IRF4: variants seen among roughly 807,000 people sequenced by gnomAD.
IRF4 encodes lymphocyte-specific interferon regulatory factor.
In IRF4, 13 loss-of-function variants were observed where a neutral mutation model predicts 55.5. The observed-to-expected ratio is 0.23, with a 90% confidence interval of 0.15 to 0.37. IRF4 has a LOEUF of 0.37. IRF4 is among the 10% of genes least tolerant of loss of function. IRF4 has a pLI of 1.00. For missense variants in IRF4, 397 were observed against 593.8 expected, an observed-to-expected ratio of 0.67 and a Z score of 3.44; for synonymous variants, 249 against 240.7, an observed-to-expected ratio of 1.03 and a Z score of -0.32.
intron 6 of IRF4, among the ~76,000 whole-genome samples, chr6:400,003 G>A (rs1046461143): frequency 6.6e-6 from 1 of 152,092 alleles, no homozygotes; most frequent in African/African-American, 2.4e-5. Context: ...TTATATCTCG[G>A]CAACCTCGTG....
intron 7 of IRF4, 126 bp from the exon 8 acceptor site, chr6:404,892 C>T (rs189372484): frequency 3.2e-5 from 20 of 623,560 alleles, no homozygotes; most frequent in Middle Eastern, 3.7e-4. Flanking sequence ...CCCCACTCAG[C>T]GGAGTAAGAG....
chr6:396,102 C>T (rs185282516), intron 4 of IRF4, 167 bp downstream of exon 4: 36 of 604,144 alleles, frequency 6.0e-5, no homozygotes, highest in Admixed American at 4.2e-4. Context: ...ACTTTCCACA[C>T]GGTGCTGCCA....
chr6:395,380 G>T lies in IRF4; in HGVS notation c.403+373G>T, dbSNP rs113681992. On this transcript the variant is annotated intron_variant, in intron 3 of 8. Coordinates refer to ENST00000380956, the MANE Select transcript of IRF4 (RefSeq NM_002460.4). The stretch of plus-strand genomic sequence containing the variant: ...TTTTGCAGAAAAGGAGTAATGAGAG[G>T]AATATCTCATCACTATGCATGGTAA... Among the ~76,000 whole-genome samples, 364 of 152,166 alleles carry T rather than the reference G, an allele frequency of 2.4e-3. 6 individuals carry two copies. Among genetic ancestry groups the T allele is most frequent in the African/African-American group, 8.5e-3 (351 of 41,502 alleles).
intron 6 of IRF4, 83 bp from the exon 7 acceptor site, chr6:401,341 C>T: frequency 4.8e-6 from 5 of 1,037,010 alleles, no homozygotes; most frequent in Non-Finnish European, 7.1e-6. Context: ...AGTTCCACCA[C>T]AGGTGCTTGG....
At chr6:403,671 C>A (rs1025197762) in intron 7 of IRF4, among the ~76,000 whole-genome samples, 1 of 152,206 alleles carries the variant, frequency 6.6e-6, no homozygotes, top group African/African-American at 2.4e-5. Context: ...CCTCTGTAAC[C>A]AAGGGCTGTG....
chr6:410,760 A>C lies in IRF4; in HGVS notation c.*3162A>C, dbSNP rs1430785187. The C allele has an allele frequency of 4.3e-6, 1 of 231,682 alleles. No individual in the cohort carries two copies. The highest frequency in any genetic ancestry group is 8.5e-6 in the Non-Finnish European group (1 of 117,058). 14.4% of individuals were successfully genotyped at this position (231,682 alleles called of 1,614,324 possible). Reference sequence around the variant, plus strand: ...TCCAGTCACATGCCCCCACTTCCCCACAGGTGAAAGTTTTTCTGAAAGTGT... The same window carrying C: ...TCCAGTCACATGCCCCCACTTCCCCCCAGGTGAAAGTTTTTCTGAAAGTGT... On this transcript the variant is annotated 3_prime_UTR_variant, in exon 9 of 9. Transcript: ENST00000380956.
In IRF4 at chr6:393,440, C is replaced by A; in HGVS notation, c.216+72C>A. On this transcript the variant is annotated intron_variant, in intron 2 of 8. Transcript: ENST00000380956. This position sits in a 1 kb window ranked among gnomAD's most constrained non-coding sequence, Gnocchi z 5.4. ...AGACAGAGCCCGGGGTCCCCGGCGC[C>A]GCCTCCGAGGCGAGCCCAGGGGACC... 2 of 1,135,430 alleles carry A rather than the reference C, an allele frequency of 1.8e-6. No individual in the cohort carries two copies. Among genetic ancestry groups the A allele is most frequent in the South Asian group, 2.1e-5 (1 of 47,158 alleles). The allele number at this position is 1,135,430 out of a possible 1,614,324, so 70.3% of individuals were successfully genotyped here.
rs970915596 is a variant in IRF4 at position 411,278 on chromosome 6, T to C, written c.*3680T>C. Reference sequence around the variant, plus strand: ...TTGAATTTCCCCTACTGGCTCTGCGTTTTGCTGAGATCTGTAGGAAAGGAT... The same window carrying C: ...TTGAATTTCCCCTACTGGCTCTGCGCTTTGCTGAGATCTGTAGGAAAGGAT... On this transcript the variant is annotated 3_prime_UTR_variant, in exon 9 of 9. Coordinates refer to ENST00000380956, the MANE Select transcript of IRF4 (RefSeq NM_002460.4). 1.1e-4 allele frequency: 26 copies of C among 227,694 alleles called. No homozygotes were observed. Among genetic ancestry groups the C allele is most frequent in the Admixed American group, 2.3e-4 (4 of 17,550 alleles). The allele number at this position is 227,694 out of a possible 1,614,324, so 14.1% of individuals were successfully genotyped here.
At position 411,055 on chromosome 6, in the gene IRF4, G is replaced by A. The variant is rs1477138050; in HGVS notation, c.*3457G>A. 8.6e-6 allele frequency: 2 copies of A among 233,596 alleles called. No homozygotes were observed. Among genetic ancestry groups the A allele is most frequent in the Non-Finnish European group, 1.7e-5 (2 of 118,226 alleles). The allele number at this position is 233,596 out of a possible 1,614,324, so 14.5% of individuals were successfully genotyped here. On this transcript the variant is annotated 3_prime_UTR_variant, in exon 9 of 9. Transcript: ENST00000380956. ...AACATGCATAAGAAATGTAGCTGAAGTAGAGGGGACGTGAGAGAAGGGCCA... is the reference window on the plus strand; with the variant it reads ...AACATGCATAAGAAATGTAGCTGAAATAGAGGGGACGTGAGAGAAGGGCCA...
chr6:392,119 C>T (rs1761118942), intron 1 of IRF4, among the ~76,000 whole-genome samples: 3 of 152,248 alleles, frequency 2.0e-5, no homozygotes, highest in Non-Finnish European at 4.4e-5. Context: ...CCAGGAGTGG[C>T]TGAGGCGGGG....
intron 7 of IRF4, among the ~76,000 whole-genome samples, chr6:403,562 AG>A (rs1025166542): frequency 1.3e-5 from 2 of 152,206 alleles, no homozygotes; most frequent in Non-Finnish European, 2.9e-5. Context: ...CAGCACAGGC[AG>A]GGGGTGGACG....
At chr6:394,250 G>A (rs902231577) in intron 2 of IRF4, among the ~76,000 whole-genome samples, 3 of 152,196 alleles carry the variant, frequency 2.0e-5, no homozygotes, top group African/African-American at 7.2e-5. Context: ...CAGACACTGG[G>A]TGGGTAGAGC....
At position 393,680 on chromosome 6, in the gene IRF4, C is replaced by A. The variant is rs1001627990; in HGVS notation, c.216+312C>A. Among the ~76,000 whole-genome samples, 1 of 152,104 alleles carries A rather than the reference C, an allele frequency of 6.6e-6. No homozygotes were observed. Among genetic ancestry groups the A allele is most frequent in the Non-Finnish European group, 1.5e-5 (1 of 67,994 alleles). ...TTTTGCGCGTTCGTCCGTGCGTTCTCGTTTCCACGCAAGCCTCCCGCCCTT... is the reference window on the plus strand; with the variant it reads ...TTTTGCGCGTTCGTCCGTGCGTTCTAGTTTCCACGCAAGCCTCCCGCCCTT... On this transcript the variant is annotated intron_variant, in intron 2 of 8. Transcript: ENST00000380956. The surrounding 1 kb of genome is among the most constrained non-coding windows in gnomAD (Gnocchi z 5.4).
At chr6:401,113 G>C (rs1761385051) in intron 6 of IRF4, among the ~76,000 whole-genome samples, 3 of 152,148 alleles carry the variant, frequency 2.0e-5, no homozygotes. Context: ...ATTAATGAAA[G>C]ATACACTTGT....
At chr6:399,939 C>T (rs1185021302) in intron 6 of IRF4, among the ~76,000 whole-genome samples, 1 of 152,138 alleles carries the variant, frequency 6.6e-6, no homozygotes, top group Admixed American at 6.5e-5. Context: ...AAACCCTTGT[C>T]TTGAACACCT....
chr6:392,908 C>G (rs1488620594), intron 1 of IRF4, among the ~76,000 whole-genome samples, 190 bp from the exon 2 acceptor site: 1 of 151,282 alleles, frequency 6.6e-6, no homozygotes, highest in Non-Finnish European at 1.5e-5. Context: ...CGGCTGTGCC[C>G]GCCCAGGGGA....
At chr6:391,954 C>T (rs1351951605) in intron 1 of IRF4, 145 bp downstream of exon 1, 1 of 429,264 alleles carries the variant, frequency 2.3e-6, no homozygotes, top group Non-Finnish European at 4.8e-6. Flanking sequence ...CCTGGAGCTC[C>T]GACTCCCACC....
intron 7 of IRF4, among the ~76,000 whole-genome samples, chr6:402,410 T>C (rs969848971): frequency 6.6e-6 from 1 of 150,558 alleles, no homozygotes; most frequent in Non-Finnish European, 1.5e-5. Flanking sequence ...ACTGGCTTTG[T>C]GGGGCTGTCC....
At chr6:392,766 G>C (rs1322047693) in intron 1 of IRF4, among the ~76,000 whole-genome samples, 1 of 152,232 alleles carries the variant, frequency 6.6e-6, no homozygotes, top group Non-Finnish European at 1.5e-5. Flanking sequence ...AGGAGGGCCA[G>C]GAGGGGTGGC....
Sources: gnomAD v4.1 joint callset for allele counts (sites outside exome capture counted in the v4.1 genomes callset) on GRCh38, gnomAD v4.1.1 for gene constraint, Gnocchi (gnomAD v3.1) non-coding constraint, MANE v1.5 for transcripts, NCBI Gene and HGNC (gene_info 2026-07-23, HGNC 2026-07-21) for gene names.